Variants in FGF10 observed in about 807,000 individuals in gnomAD.
FGF10 encodes the protein fibroblast growth factor 10, also known as FGF-10.
In FGF10, 2 loss-of-function variants were observed where a neutral mutation model predicts 19.8. The observed-to-expected ratio is 0.10, with a 90% CI of 0.04 to 0.32. The LOEUF is 0.32. Ranked by LOEUF, FGF10 falls within the 10% of genes least tolerant of loss-of-function variation. The probability of loss-of-function intolerance (pLI) is 1.00; values close to 1 mark genes in which losing one functional copy is unlikely to be tolerated. For synonymous variants in FGF10, 112 were observed against 94.0 expected, an observed-to-expected ratio of 1.19 and a Z score of -1.10; for missense variants, 191 against 246.3, an observed-to-expected ratio of 0.78 and a Z score of 1.50.
At chr5:44,349,821 A>G (rs1426467345) in intron 1 of FGF10, among the ~76,000 whole-genome samples, 1 of 151,242 alleles carries the variant, frequency 6.6e-6, no homozygotes, top group African/African-American at 2.4e-5. Flanking sequence ...TTGGATTCCT[A>G]CAGACCTGGG....
At chr5:44,310,629 T>C in intron 1 of FGF10, 99 bp from the exon 2 acceptor site, 1 of 883,344 alleles carries the variant, frequency 1.1e-6, no homozygotes, top group South Asian at 1.5e-5. Context: ...TTTGTGTGGT[T>C]CTAAAAACAA....
At chr5:44,357,204 C>T (rs996797076) in intron 1 of FGF10, among the ~76,000 whole-genome samples, 1 of 151,266 alleles carries the variant, frequency 6.6e-6, no homozygotes, top group Non-Finnish European at 1.5e-5. Flanking sequence ...GTTGGAAAAA[C>T]TTAATGTTAG....
chr5:44,384,658 G>A (rs1278712786), intron 1 of FGF10, among the ~76,000 whole-genome samples: 1 of 151,968 alleles, frequency 6.6e-6, no homozygotes, highest in East Asian at 1.9e-4. Context: ...GAATGACCTT[G>A]GACAATTTAC....
At chr5:44,363,386 A>G (rs1377043541) in intron 1 of FGF10, among the ~76,000 whole-genome samples, 3 of 151,886 alleles carry the variant, frequency 2.0e-5, no homozygotes, top group African/African-American at 7.2e-5. Flanking sequence ...ATAAGGAAAT[A>G]CAATTATACT....
intron 1 of FGF10, among the ~76,000 whole-genome samples, chr5:44,386,445 T>C (rs1375018865): frequency 6.6e-6 from 1 of 152,176 alleles, no homozygotes; most frequent in Non-Finnish European, 1.5e-5. Flanking sequence ...TTGTTGTTGT[T>C]GTTAATTCCC....
At chr5:44,365,239 T>G (rs901030385) in intron 1 of FGF10, among the ~76,000 whole-genome samples, 3 of 151,526 alleles carry the variant, frequency 2.0e-5, no homozygotes, top group Non-Finnish European at 2.9e-5. Context: ...TAGGTTGTCT[T>G]GTAGGATTCC....
intron 1 of FGF10, among the ~76,000 whole-genome samples, chr5:44,376,961 A>T (rs1579943831): frequency 6.6e-6 from 1 of 152,262 alleles, no homozygotes; most frequent in East Asian, 1.9e-4. Context: ...TAGATCCGCA[A>T]ATGTAAGGAT....
chr5:44,323,897 C>T (rs1299370851), intron 1 of FGF10, among the ~76,000 whole-genome samples: 1 of 152,098 alleles, frequency 6.6e-6, no homozygotes, highest in African/African-American at 2.4e-5. Context: ...GGGTAAGGGA[C>T]ACATTTTATG....
At chr5:44,355,114 C>G (rs541336280) in intron 1 of FGF10, among the ~76,000 whole-genome samples, 1 of 151,420 alleles carries the variant, frequency 6.6e-6, no homozygotes, top group African/African-American at 2.4e-5. Flanking sequence ...AAAGAAAGTA[C>G]AATTTACAAG....
intron 1 of FGF10, among the ~76,000 whole-genome samples, chr5:44,352,871 G>A (rs1741265842): frequency 6.6e-6 from 1 of 151,538 alleles, no homozygotes. Context: ...CTCAATAAAT[G>A]CTAACAGAAG....
chr5:44,309,614 C>T (rs1035168009), intron 2 of FGF10, among the ~76,000 whole-genome samples: 20 of 152,220 alleles, frequency 1.3e-4, no homozygotes, highest in African/African-American at 4.6e-4. Context: ...TTGATTGATG[C>T]ATTTTTTTCT....
intron 1 of FGF10, among the ~76,000 whole-genome samples, chr5:44,368,556 A>C (rs570436793): frequency 9.9e-5 from 15 of 152,280 alleles, no homozygotes; most frequent in African/African-American, 2.4e-5. Flanking sequence ...AATTCAGCTG[A>C]AACTATAGGT....
At chr5:44,344,603 T>TGTGTGTGTGTGTGTGTG (rs58735673) in intron 1 of FGF10, among the ~76,000 whole-genome samples, 15 of 149,330 alleles carry the variant, frequency 1.0e-4, no homozygotes, top group East Asian at 2.0e-4. Flanking sequence ...TGTGTGTGTG[T>TGTGTGTGTGTGTGTGTG]TAAACCAACT....
chr5:44,378,409 A>T (rs1415724531), intron 1 of FGF10, among the ~76,000 whole-genome samples: 1 of 152,196 alleles, frequency 6.6e-6, no homozygotes, highest in African/African-American at 2.4e-5. Context: ...GAACAGTATG[A>T]ATATTACAAT....
At chr5:44,329,170 T>C (rs1202696338) in intron 1 of FGF10, among the ~76,000 whole-genome samples, 1 of 152,096 alleles carries the variant, frequency 6.6e-6, no homozygotes, top group Admixed American at 6.6e-5. Context: ...CCAAGTACAG[T>C]CTTTTGTTTT....
intron 1 of FGF10, among the ~76,000 whole-genome samples, chr5:44,353,246 T>C (rs1741275015): frequency 6.6e-6 from 1 of 151,642 alleles, no homozygotes; most frequent in Non-Finnish European, 1.5e-5. Context: ...CCAGGATATA[T>C]TTGTTTATCG....
chr5:44,346,634 T>A (rs552917139), intron 1 of FGF10, among the ~76,000 whole-genome samples: 174 of 151,952 alleles, frequency 1.1e-3, no homozygotes, highest in African/African-American at 4.1e-3. Flanking sequence ...TTGATTTTTG[T>A]ATAGCTTACT....
At chr5:44,318,380 C>G (rs1017969743) in intron 1 of FGF10, among the ~76,000 whole-genome samples, 2 of 151,972 alleles carry the variant, frequency 1.3e-5, no homozygotes, top group African/African-American at 4.8e-5. Flanking sequence ...TTTTCTTTCC[C>G]CTCATTTCCT....
At position 44,305,028 on chromosome 5, in the gene FGF10, A is replaced by C; in HGVS notation, c.594T>G (p.Ser198=). The C allele has an allele frequency of 6.2e-7, 1 of 1,613,984 alleles. No individual in the cohort carries two copies. Among genetic ancestry groups the C allele is most frequent in the South Asian group, 1.1e-5 (1 of 91,084 alleles). ...GTACCACCATTGGAAGAAAGTGAGCAGAGGTGTTTTTCCTTCGTGTTTTCT... is the reference window on the plus strand; with the variant it reads ...GTACCACCATTGGAAGAAAGTGAGCCGAGGTGTTTTTCCTTCGTGTTTTCT... ...RGQKTRRKNT[S]AHFLPMVVHS Residue 198 remains serine, a synonymous_variant, in exon 3 of 3, where the codon TCT becomes TCG. Coordinates refer to ENST00000264664, the MANE Select transcript of FGF10 (RefSeq NM_004465.2).
Sources: gnomAD v4.1 joint callset for allele counts (sites outside exome capture counted in the v4.1 genomes callset) on GRCh38, gnomAD v4.1.1 for gene constraint, MANE v1.5 for transcripts, NCBI Gene and HGNC (gene_info 2026-07-23, HGNC 2026-07-21) for gene names.